PTPRD: variants seen among roughly 807,000 people sequenced by gnomAD.
PTPRD encodes protein tyrosine phosphatase receptor type D.
Under a neutral mutation model 214.5 loss-of-function variants are expected in PTPRD, and 34 were observed. That is an observed-to-expected ratio of 0.16 (90% CI 0.12 to 0.21). The LOEUF is 0.21. Among genes scored for constraint, PTPRD ranks in the 10% least tolerant of loss-of-function variants. The pLI is 1.00. For synonymous variants in PTPRD, 1,128 were observed against 845.7 expected (o/e 1.33, Z -5.79); for missense variants, 2,545 against 2,398.7 (o/e 1.06, Z -1.27).
intron 9 of PTPRD, among the ~76,000 whole-genome samples, chr9:9,191,445 A>C (rs937040189): frequency 6.6e-6 from 1 of 152,114 alleles, no homozygotes; most frequent in African/African-American, 2.4e-5. Context: ...CACCCCGCTA[A>C]TGCAGCTACC....
intron 11 of PTPRD, among the ~76,000 whole-genome samples, chr9:8,973,017 A>G (rs1408183415): frequency 1.3e-5 from 2 of 151,812 alleles, no homozygotes; most frequent in Non-Finnish European, 2.9e-5. Context: ...GGAGAAAAAA[A>G]AAAAACACTT....
chr9:10,133,310 T>C (rs905688288), intron 3 of PTPRD, among the ~76,000 whole-genome samples: 1 of 151,992 alleles, frequency 6.6e-6, no homozygotes, highest in East Asian at 1.9e-4. Context: ...AAAAAGCTGA[T>C]GGGGAATTGC....
At chr9:8,822,564 G>A (rs2097092432) in intron 11 of PTPRD, among the ~76,000 whole-genome samples, 1 of 152,158 alleles carries the variant, frequency 6.6e-6, no homozygotes, top group Non-Finnish European at 1.5e-5. Context: ...CAGGAGAAGG[G>A]ATGATTCACT....
chr9:8,845,424 C>A (rs2097671199), intron 11 of PTPRD, among the ~76,000 whole-genome samples: 1 of 152,162 alleles, frequency 6.6e-6, no homozygotes, highest in South Asian at 2.1e-4. Context: ...CTGGCTAGCT[C>A]TGGCGATATT....
intron 7 of PTPRD, among the ~76,000 whole-genome samples, chr9:9,653,966 G>C (rs776499526): frequency 2.6e-5 from 4 of 151,908 alleles, no homozygotes; most frequent in Non-Finnish European, 4.4e-5. Flanking sequence ...TTTTTGCTTT[G>C]ATGTAGCTAA....
intron 44 of PTPRD, 37 bp downstream of exon 44, chr9:8,331,545 C>G (rs879075594): frequency 1.0e-6 from 1 of 966,850 alleles, no homozygotes; most frequent in Non-Finnish European, 1.4e-6. Context: ...AGAAACACCA[C>G]CACTTATCAC....
intron 10 of PTPRD, among the ~76,000 whole-genome samples, chr9:9,118,586 T>C (rs866453075): frequency 6.6e-6 from 1 of 152,212 alleles, no homozygotes; most frequent in Non-Finnish European, 1.5e-5. Flanking sequence ...GCATTACTCA[T>C]ACATCTCCTC....
At chr9:10,052,748 T>A (rs1372159350) in intron 3 of PTPRD, among the ~76,000 whole-genome samples, 4 of 152,146 alleles carry the variant, frequency 2.6e-5, no homozygotes, top group African/African-American at 4.8e-5. Context: ...CTTCTTTCTA[T>A]CGAAATTCTT....
At chr9:8,840,446 T>C (rs2097536176) in intron 11 of PTPRD, among the ~76,000 whole-genome samples, 1 of 152,228 alleles carries the variant, frequency 6.6e-6, no homozygotes, top group South Asian at 2.1e-4. Flanking sequence ...CCCAACCACA[T>C]GGAATTGCAA....
At chr9:10,276,009 G>T in intron 3 of PTPRD, among the ~76,000 whole-genome samples, 1 of 152,128 alleles carries the variant, frequency 6.6e-6, no homozygotes, top group Non-Finnish European at 1.5e-5. Flanking sequence ...AAATTTTCAG[G>T]TATCTTGTCC....
chr9:9,234,451 C>T (rs138144675), intron 9 of PTPRD, among the ~76,000 whole-genome samples: 83 of 152,304 alleles, frequency 5.4e-4, no homozygotes, highest in African/African-American at 1.7e-3. Context: ...ACATTTTCCC[C>T]ATTGTCTTGG....
chr9:9,886,096 C>A (rs910921039), intron 5 of PTPRD, among the ~76,000 whole-genome samples: 1 of 151,936 alleles, frequency 6.6e-6, no homozygotes, highest in Admixed American at 6.6e-5. Flanking sequence ...GAATGTTTCT[C>A]ATTTATACAC....
In PTPRD at chr9:8,317,120, T is replaced by C. The variant is rs780162392; in HGVS notation, c.*754A>G. The stretch of plus-strand genomic sequence containing the variant: ...AACTGAAGTGTAAAATTAATATATC[T>C]GACGAGACTGATACTGTAGATTGAG... On this transcript the variant is annotated 3_prime_UTR_variant, in exon 46 of 46. Coordinates refer to ENST00000381196, the MANE Select transcript of PTPRD (RefSeq NM_002839.4). 2 of 231,848 alleles carry C rather than the reference T, an allele frequency of 8.6e-6. No homozygotes were observed. Among genetic ancestry groups the C allele is most frequent in the African/African-American group, 2.2e-5 (1 of 45,206 alleles). The allele number at this position is 231,848 out of a possible 1,614,324, so 14.4% of individuals were successfully genotyped here. A position where few individuals can be genotyped will look rare whatever the true frequency, so the allele number is the denominator to read the frequency against.
chr9:10,203,171 T>C (rs78599779), intron 3 of PTPRD, among the ~76,000 whole-genome samples: 193 of 136,542 alleles, frequency 1.4e-3, no homozygotes, highest in South Asian at 7.5e-3. Flanking sequence ...CTCTCTCTCT[T>C]TTTTTTTTTT....
chr9:10,217,787 C>G (rs1011348748), intron 3 of PTPRD, among the ~76,000 whole-genome samples: 1 of 151,798 alleles, frequency 6.6e-6, no homozygotes, highest in African/African-American at 2.4e-5. Flanking sequence ...ACATAGATCT[C>G]CATTTAGGAA....
intron 11 of PTPRD, among the ~76,000 whole-genome samples, chr9:8,873,709 G>C (rs566536390): frequency 6.4e-4 from 98 of 152,170 alleles, no homozygotes; most frequent in African/African-American, 2.3e-3. Flanking sequence ...TATGTAAGTG[G>C]TTGATTTTAA....
intron 7 of PTPRD, among the ~76,000 whole-genome samples, chr9:9,602,267 T>C (rs569307613): frequency 8.2e-4 from 124 of 152,092 alleles, no homozygotes; most frequent in Non-Finnish European, 1.5e-3. Flanking sequence ...AAATGCATTA[T>C]ACAAATGATT....
Position 9,267,784 on chromosome 9 carries a change from A to C in PTPRD, c.-202-84421T>G, listed in dbSNP as rs56380917. 1.9e-3 allele frequency among the ~76,000 whole-genome samples: 272 copies of C among 141,742 alleles called. 1 individual carries two copies. Among genetic ancestry groups the C allele is most frequent in the African/African-American group, 6.7e-3 (260 of 38,594 alleles). 93.0% of individuals were successfully genotyped at this position (141,742 alleles called of 152,430 possible). On this transcript the variant is annotated intron_variant, in intron 9 of 45. Transcript: ENST00000381196. ...CAGGATGAATTATAAAAATCATATC[A>C]TTTCAATAGACAAAAAAAAAGCATT...
At chr9:9,188,762 T>C (rs373934747) in intron 9 of PTPRD, among the ~76,000 whole-genome samples, 18 of 152,124 alleles carry the variant, frequency 1.2e-4, no homozygotes, top group East Asian at 5.8e-4. Flanking sequence ...TGTGGAATTA[T>C]GAGAGTGGAC....
Sources: gnomAD v4.1 joint callset for allele counts (sites outside exome capture counted in the v4.1 genomes callset) on GRCh38, gnomAD v4.1.1 for gene constraint, MANE v1.5 for transcripts, NCBI Gene and HGNC (gene_info 2026-07-23, HGNC 2026-07-21) for gene names.